Variants in CLRN1 observed in about 807,000 individuals in gnomAD.
CLRN1 encodes the protein clarin 1, also known as clarin-1.
CLRN1 carries 15 observed loss-of-function variants against 18.7 expected under a neutral mutation model. The observed-to-expected ratio is 0.80, with a 90% CI of 0.54 to 1.23. The LOEUF (loss-of-function observed/expected upper bound fraction) is 1.23, where lower values mean the gene tolerates loss of function less well. CLRN1 is among the 50% of genes most tolerant of loss of function. The probability of loss-of-function intolerance (pLI) is 0.00; values close to 1 mark genes in which losing one functional copy is unlikely to be tolerated. For synonymous variants in CLRN1, 104 were observed against 102.9 expected (o/e 1.01, Z -0.07); for missense variants, 311 against 277.5 (o/e 1.12, Z -0.86).
At chr3:150,969,797 C>G (rs189304096) in intron 1 of CLRN1, among the ~76,000 whole-genome samples, 3 of 151,888 alleles carry the variant, frequency 2.0e-5, no homozygotes, top group Non-Finnish European at 4.4e-5. Context: ...ATGGTGAAAC[C>G]CTGTCTTTAC....
At position 150,927,896 on chromosome 3, in the gene CLRN1, C is replaced by A. The variant is rs370681926; in HGVS notation, c.*40G>T. ...TAACCACATCTAAAAGTGACCAAAG[C>A]AAGTCTACTCCCTTGTAAAATTATA... On this transcript the variant is annotated 3_prime_UTR_variant, in exon 3 of 3. Coordinates refer to ENST00000327047, the MANE Select transcript of CLRN1 (RefSeq NM_174878.3). 12 of 1,612,448 alleles carry A rather than the reference C, an allele frequency of 7.4e-6. No individual in the cohort carries two copies. The African/African-American group carries it at 1.3e-4, about 18-fold the overall frequency.
rs765269734 is a variant in CLRN1, at chr3:150,940,542, C to A, written c.433+1040G>T. 2.0e-6 allele frequency: 3 copies of A among 1,532,972 alleles called. No homozygotes were observed. In the South Asian group the frequency reaches 3.6e-5, roughly 18 times the overall value. The allele number at this position is 1,532,972 out of a possible 1,614,324, so 95.0% of individuals were successfully genotyped here. On this transcript the variant is annotated intron_variant, in intron 2 of 2. Coordinates refer to ENST00000327047, the MANE Select transcript of CLRN1 (RefSeq NM_174878.3). ...CAACTTCAGGAGAAAAAGAAACAGT[C>A]GAATAGAGATTTTCATTACATTGTT...
intron 1 of CLRN1, among the ~76,000 whole-genome samples, chr3:150,962,175 A>G (rs567681949): frequency 5.9e-5 from 9 of 152,198 alleles, no homozygotes; most frequent in African/African-American, 2.2e-4. Context: ...ATGTTGGGGT[A>G]ATAACTCCTG....
Position 150,946,075 on chromosome 3 carries a change from C to T in CLRN1, c.254-4314G>A, listed in dbSNP as rs183901776. ...TAGTCAATGATTACAAAGAATGAAG[C>T]AAATCTATAACAACATGTATGGAAT... On this transcript the variant is annotated intron_variant, in intron 1 of 2. Coordinates refer to ENST00000327047, the MANE Select transcript of CLRN1 (RefSeq NM_174878.3). 3.0e-4 allele frequency among the ~76,000 whole-genome samples: 45 copies of T among 151,938 alleles called. No individual in the cohort carries two copies. The East Asian group carries it at 8.3e-3, about 28-fold the overall frequency.
intron 2 of CLRN1, among the ~76,000 whole-genome samples, chr3:150,934,389 C>T (rs549347500): frequency 6.6e-6 from 1 of 152,208 alleles, no homozygotes; most frequent in South Asian, 2.1e-4. Flanking sequence ...TAAGAGAAGG[C>T]ATAACTCATG....
chr3:150,966,276 T>C (rs1297081481), intron 1 of CLRN1, among the ~76,000 whole-genome samples: 1 of 152,230 alleles, frequency 6.6e-6, no homozygotes, highest in Admixed American at 6.5e-5. Context: ...ATCACACCAC[T>C]GCACTCCAGG....
intron 1 of CLRN1, among the ~76,000 whole-genome samples, chr3:150,952,234 G>A (rs1284464186): frequency 6.6e-6 from 1 of 152,112 alleles, no homozygotes; most frequent in East Asian, 1.9e-4. Flanking sequence ...GGTAGAAACC[G>A]CACTTTGAGT....
intron 1 of CLRN1, among the ~76,000 whole-genome samples, chr3:150,942,884 C>A (rs1474723401): frequency 6.6e-6 from 1 of 152,152 alleles, no homozygotes; most frequent in Non-Finnish European, 1.5e-5. Flanking sequence ...AGAGAACCAG[C>A]AGTCTCTGCT....
intron 1 of CLRN1, among the ~76,000 whole-genome samples, chr3:150,962,392 T>A (rs894255447): frequency 2.0e-5 from 3 of 152,224 alleles, no homozygotes; most frequent in South Asian, 2.1e-4. Flanking sequence ...TTTGTTTTTT[T>A]AAAAATACAC....
chr3:150,947,253 C>T (rs1344937344), intron 1 of CLRN1, among the ~76,000 whole-genome samples: 4 of 151,230 alleles, frequency 2.6e-5, no homozygotes, highest in African/African-American at 4.9e-5. Context: ...GCAGGGGTTG[C>T]AATCCTAATT....
At chr3:150,948,721 C>T (rs1320619805) in intron 1 of CLRN1, among the ~76,000 whole-genome samples, 3 of 151,896 alleles carry the variant, frequency 2.0e-5, no homozygotes, top group Non-Finnish European at 4.4e-5. Context: ...TAATAAATAC[C>T]CTACCAACTA....
At chr3:150,938,180 G>A (rs1713605223) in intron 2 of CLRN1, among the ~76,000 whole-genome samples, 2 of 152,212 alleles carry the variant, frequency 1.3e-5, no homozygotes, top group African/African-American at 4.8e-5. Context: ...TCTGCTGACA[G>A]TGAGCACTGC....
intron 1 of CLRN1, 119 bp downstream of exon 1, chr3:150,972,337 T>G: frequency 7.6e-7 from 1 of 1,314,562 alleles, no homozygotes. Flanking sequence ...TTTCATATGG[T>G]TCACACCGAT....
chr3:150,934,262 A>C lies in CLRN1; in HGVS notation c.434-6061T>G, dbSNP rs141260221. Among the ~76,000 whole-genome samples the C allele has an allele frequency of 4.4e-4, 67 of 152,270 alleles. No homozygotes were observed. The East Asian group carries it at 0.012, about 28-fold the overall frequency. On this transcript the variant is annotated intron_variant, in intron 2 of 2. Coordinates refer to ENST00000327047, the MANE Select transcript of CLRN1 (RefSeq NM_174878.3). ...GTGTATATGAATGTGCTTATGTTCC[A>C]TGCCATAGCTGTAATTATCATAATT...
In CLRN1 at chr3:150,972,525, G is replaced by A. The variant is rs1553776052; in HGVS notation, c.184C>T (p.Gln62Ter). Residue 62 changes from glutamine (Q) to a stop codon, truncating the protein, a stop_gained, in exon 1 of 3, where the codon CAG (glutamine) becomes TAG (stop). Transcript: ENST00000327047. LOFTEE classifies it high-confidence loss of function. Reference protein sequence around the residue: ...QELDKFMGEMQYGLFHGEGVR... With the variant: ...QELDKFMGEM Reference sequence around the variant, plus strand: ...CCCTCTCCGTGGAAAAGCCCGTACTGCATTTCACCCATAAACTTGTCCAGC... The same window carrying A: ...CCCTCTCCGTGGAAAAGCCCGTACTACATTTCACCCATAAACTTGTCCAGC... 1.2e-6 allele frequency: 2 copies of A among 1,614,242 alleles called. No homozygotes were observed. Among genetic ancestry groups the A allele is most frequent in the African/African-American group, 1.3e-5 (1 of 75,054 alleles).
chr3:150,936,936 TAGAAC>T (rs1266063985), intron 2 of CLRN1, among the ~76,000 whole-genome samples: 2 of 152,286 alleles, frequency 1.3e-5, no homozygotes, highest in South Asian at 4.1e-4. Flanking sequence ...TTCTTAGCTT[TAGAAC>T]TCAGCTATTG....
downstream of CLRN1, chr3:150,926,446 A>AAGACTTAC (rs537241185): frequency 2.8e-4 from 99 of 356,808 alleles, no homozygotes; most frequent in South Asian, 2.2e-3. Flanking sequence ...ATTTCAGCTA[A>AAGACTTAC]AGACTTACAG....
intron 1 of CLRN1, among the ~76,000 whole-genome samples, chr3:150,954,165 T>C (rs1158083704): frequency 6.6e-6 from 1 of 152,154 alleles, no homozygotes; most frequent in Non-Finnish European, 1.5e-5. Flanking sequence ...TTACAGTCAA[T>C]CCATCCTCTA....
intron 1 of CLRN1, among the ~76,000 whole-genome samples, chr3:150,959,110 A>G (rs747948296): frequency 3.3e-5 from 5 of 152,234 alleles, no homozygotes; most frequent in Non-Finnish European, 7.3e-5. Flanking sequence ...ATATGCTAGC[A>G]TAGCTCTCCC....
Sources: gnomAD v4.1 joint callset for allele counts (sites outside exome capture counted in the v4.1 genomes callset) on GRCh38, gnomAD v4.1.1 for gene constraint, MANE v1.5 for transcripts, NCBI Gene and HGNC (gene_info 2026-07-23, HGNC 2026-07-21) for gene names.